PROM1: variants seen among roughly 807,000 people sequenced by gnomAD.
PROM1 encodes prominin 1.
PROM1 carries 105 observed loss-of-function variants against 116.9 expected under a neutral mutation model. The ratio of observed to expected loss-of-function variants is 0.90; its 90% CI spans 0.77 to 1.06. PROM1 has a LOEUF of 1.06. PROM1 is among the 50% of genes least tolerant of loss of function. PROM1 has a pLI of 0.00. For missense variants in PROM1, 1,122 were observed against 1,045.2 expected (o/e 1.07, Z -1.01); for synonymous variants, 393 against 387.0 (o/e 1.02, Z -0.18).
intron 15 of PROM1, among the ~76,000 whole-genome samples, chr4:15,998,093 A>T (rs931406147): frequency 6.6e-6 from 1 of 152,188 alleles, no homozygotes. Context: ...CTTGAACAAG[A>T]TCTCTCATGG....
intron 5 of PROM1, among the ~76,000 whole-genome samples, chr4:16,027,901 T>A (rs1412498888): frequency 6.6e-6 from 1 of 152,218 alleles, no homozygotes; most frequent in African/African-American, 2.4e-5. Context: ...CATCAGTCAG[T>A]GAAATGAATT....
chr4:15,980,569 T>C (rs1185194092), intron 23 of PROM1, 32 bp from the exon 24 acceptor site: 3 of 1,371,912 alleles, frequency 2.2e-6, no homozygotes, highest in Non-Finnish European at 3.0e-6. Context: ...AATTAAATGT[T>C]TGAAGATAAG....
In PROM1 at chr4:15,968,726, T is replaced by G. The variant is rs2240688; in HGVS notation, c.*667A>C. 0.22 allele frequency: 33,300 copies of G among 152,218 alleles called. 4,371 individuals carry two copies. Among genetic ancestry groups the G allele is most frequent in the Admixed American group, 0.29 (4,381 of 15,290 alleles). The allele number at this position is 152,218 out of a possible 1,614,324, so 9.4% of individuals were successfully genotyped here. On this transcript the variant is annotated 3_prime_UTR_variant, in exon 28 of 28. Transcript: ENST00000447510. The stretch of plus-strand genomic sequence containing the variant: ...GGAGTTACGCAGGTTTCTCTATGAT[T>G]GCTTTTGCATGCCATTTCCAAGTGG...
intron 2 of PROM1, among the ~76,000 whole-genome samples, chr4:16,041,912 T>C (rs28826134): frequency 0.13 from 19,819 of 151,514 alleles, 1,649 homozygotes; most frequent in African/African-American, 0.23. Flanking sequence ...CAAGTTATCC[T>C]CCCCTCTCCC....
chr4:16,024,046 A>C (rs1384764999), intron 7 of PROM1, among the ~76,000 whole-genome samples: 1 of 152,238 alleles, frequency 6.6e-6, no homozygotes, highest in Non-Finnish European at 1.5e-5. Context: ...TTGTGACTGC[A>C]AGAATGCTAA....
At chr4:16,047,179 G>A (rs1736747148) in intron 2 of PROM1, among the ~76,000 whole-genome samples, 1 of 152,094 alleles carries the variant, frequency 6.6e-6, no homozygotes, top group Non-Finnish European at 1.5e-5. Context: ...CTGATTGGAT[G>A]AGGCCCACCC....
chr4:15,973,391 G>A (rs1454444827), intron 26 of PROM1, among the ~76,000 whole-genome samples: 2 of 152,172 alleles, frequency 1.3e-5, no homozygotes, highest in Non-Finnish European at 2.9e-5. Context: ...AGGTTGCAGT[G>A]AGCTGAGATC....
At chr4:16,079,990 C>A (rs1744693741) in intron 1 of PROM1, 1 of 103,924 alleles carries the variant, frequency 9.6e-6, no homozygotes, top group African/African-American at 3.8e-5. Flanking sequence ...GCCTGGGCAA[C>A]ATAGAGAGGC....
intron 2 of PROM1, 148 bp from the exon 3 acceptor site, chr4:16,039,149 A>G: frequency 3.0e-6 from 2 of 659,736 alleles, no homozygotes; most frequent in Non-Finnish European, 4.2e-6. Flanking sequence ...TAATGTAGGT[A>G]AATAATTAAT....
chr4:16,025,404 G>C lies in PROM1; in HGVS notation c.510-92C>G, dbSNP rs1731000672. 21 of 1,493,312 alleles carry C rather than the reference G, an allele frequency of 1.4e-5. No homozygotes were observed. The Admixed American group carries it at 3.7e-4, about 26-fold the overall frequency. 92.5% of individuals were successfully genotyped at this position (1,493,312 alleles called of 1,614,324 possible). A position where few individuals can be genotyped will look rare whatever the true frequency, so the allele number is the denominator to read the frequency against. ...AGGCAGCAGAGCAGGAGTCAGGGAG[G>C]AGCCCGCAGAAGGACTGGCCTTTCC... On this transcript the variant is annotated intron_variant, in intron 5 of 27. Transcript: ENST00000447510.
At chr4:16,083,799 C>A (rs1049940145) in intron 1 of PROM1, 179 bp downstream of exon 1, 1 of 152,118 alleles carries the variant, frequency 6.6e-6, no homozygotes, top group Non-Finnish European at 1.5e-5. Context: ...TCGGAGAGCC[C>A]GCCTCCCACT....
Position 16,035,319 on chromosome 4 carries a change from C to CA in PROM1, c.303+415dup, listed in dbSNP as rs1048875792. On this transcript the variant is annotated intron_variant, in intron 4 of 27. Coordinates refer to ENST00000447510, the MANE Select transcript of PROM1 (RefSeq NM_006017.3). ...TAAATTCTATCTGAATTCCAGGAGA[C>CA]ACTGAACCAAAACCCAGGAGAGAAG... 4.5e-4 allele frequency among the ~76,000 whole-genome samples: 69 copies of CA among 152,270 alleles called. 1 individual carries two copies. The highest frequency in any genetic ancestry group is 1.6e-3 in the African/African-American group (67 of 41,550).
Position 15,971,035 on chromosome 4 carries a change from A to C in PROM1, c.*24+8T>G, listed in dbSNP as rs756010951. The C allele has an allele frequency of 1.1e-5, 17 of 1,577,142 alleles. No individual in the cohort carries two copies. The highest frequency in any genetic ancestry group is 1.4e-5 in the Non-Finnish European group (16 of 1,159,914). On this transcript the variant is annotated splice_region_variant and intron_variant, in intron 27 of 27. Coordinates refer to ENST00000447510, the MANE Select transcript of PROM1 (RefSeq NM_006017.3). ...GTAGATTCTCTTCAATGAAAGCATCAAACTTACCTCAAGCAGTTTCAACAT... is the reference window on the plus strand; with the variant it reads ...GTAGATTCTCTTCAATGAAAGCATCCAACTTACCTCAAGCAGTTTCAACAT...
intron 18 of PROM1, 62 bp from the exon 19 acceptor site, chr4:15,989,886 A>G: frequency 7.5e-7 from 1 of 1,336,210 alleles, no homozygotes; most frequent in South Asian, 1.3e-5. Flanking sequence ...CACTCTCGCT[A>G]TCCTCAGGGG....
intron 16 of PROM1, among the ~76,000 whole-genome samples, 174 bp downstream of exon 16, chr4:15,993,813 T>C (rs1721647341): frequency 1.3e-5 from 2 of 152,186 alleles, no homozygotes; most frequent in Admixed American, 1.3e-4. Flanking sequence ...GAGAAAACGT[T>C]TTGGAACCAA....
At chr4:16,020,272 CA>C (rs1307715701) in intron 8 of PROM1, among the ~76,000 whole-genome samples, 2 of 152,298 alleles carry the variant, frequency 1.3e-5, no homozygotes, top group Non-Finnish European at 2.9e-5. Context: ...AACTCTGCTT[CA>C]AACAGTATTT....
At chr4:16,001,955 G>A (rs1723974728) in intron 13 of PROM1, among the ~76,000 whole-genome samples, 1 of 152,166 alleles carries the variant, frequency 6.6e-6, no homozygotes, top group Non-Finnish European at 1.5e-5. Flanking sequence ...TCAGGGAAAG[G>A]AATGGGATTG....
In PROM1 at chr4:15,988,484, G is replaced by A. The variant is rs117347846; in HGVS notation, c.2077-768C>T. ...TTGTAATCAAAAGCAGCCACAGAGA[G>A]TTTGCAAATGAGTGGGTGTGGCCAT... On this transcript the variant is annotated intron_variant, in intron 19 of 27. Transcript: ENST00000447510. Among the ~76,000 whole-genome samples the A allele has an allele frequency of 8.7e-4, 132 of 152,310 alleles. 2 individuals carry two copies. The East Asian group carries it at 0.023, about 26-fold the overall frequency.
chr4:16,076,631 A>G (rs1744011830), intron 1 of PROM1: 1 of 152,848 alleles, frequency 6.5e-6, no homozygotes, highest in Non-Finnish European at 1.5e-5. Context: ...TGACATCAAG[A>G]CACTGTCCCT....
Sources: allele counts gnomAD v4.1 joint callset (sites outside exome capture counted in the v4.1 genomes callset), GRCh38; gene constraint gnomAD v4.1.1; transcripts MANE v1.5; gene names NCBI Gene and HGNC (gene_info 2026-07-23, HGNC 2026-07-21).